CNTN5: variants seen among roughly 807,000 people sequenced by gnomAD.
The protein encoded by CNTN5 is contactin-5.
A neutral mutation model predicts 129.1 loss-of-function variants in CNTN5; 77 were observed. The ratio of observed to expected loss-of-function variants is 0.60; its 90% CI spans 0.50 to 0.72. The LOEUF is 0.72. CNTN5 is among the 30% of genes least tolerant of loss of function. The probability of loss-of-function intolerance (pLI) is 0.00; values close to 1 mark genes in which losing one functional copy is unlikely to be tolerated. For synonymous variants in CNTN5, 509 were observed against 465.6 expected, an observed-to-expected ratio of 1.09 and a Z score of -1.20; for missense variants, 1,478 against 1,328.8, an observed-to-expected ratio of 1.11 and a Z score of -1.75.
chr11:99,916,734 C>A (rs957402003), intron 7 of CNTN5, among the ~76,000 whole-genome samples: 16 of 152,056 alleles, frequency 1.1e-4, no homozygotes, highest in Non-Finnish European at 1.8e-4. Flanking sequence ...ATTATACGTC[C>A]TTTTGCAAGC....
chr11:99,338,765 T>G (rs751064459), intron 2 of CNTN5, among the ~76,000 whole-genome samples: 3 of 151,758 alleles, frequency 2.0e-5, no homozygotes, highest in Non-Finnish European at 4.4e-5. Flanking sequence ...TTATTTTATT[T>G]GCTTATTTTG....
chr11:99,627,698 G>A (rs1951180649), intron 3 of CNTN5, among the ~76,000 whole-genome samples: 2 of 151,942 alleles, frequency 1.3e-5, no homozygotes, highest in African/African-American at 2.4e-5. Context: ...CCCTAAAAAT[G>A]TAGTTGGAGG....
chr11:99,997,740 G>A (rs1189596831), intron 8 of CNTN5, among the ~76,000 whole-genome samples: 1 of 151,964 alleles, frequency 6.6e-6, no homozygotes, highest in Non-Finnish European at 1.5e-5. Flanking sequence ...GATGAACATT[G>A]ATGCAAAAAT....
intron 9 of CNTN5, among the ~76,000 whole-genome samples, chr11:100,057,400 T>G (rs538879689): frequency 5.9e-5 from 9 of 151,598 alleles, no homozygotes; most frequent in Admixed American, 4.6e-4. Context: ...CATTTAAAAC[T>G]TATTATATCT....
chr11:99,625,225 G>A (rs1241211937), intron 3 of CNTN5, among the ~76,000 whole-genome samples: 4 of 152,080 alleles, frequency 2.6e-5, no homozygotes, highest in African/African-American at 7.2e-5. Context: ...TTCTTGTTTG[G>A]CTTTTCTACT....
intron 2 of CNTN5, among the ~76,000 whole-genome samples, chr11:99,552,437 C>A (rs1482569934): frequency 1.3e-5 from 2 of 152,176 alleles, no homozygotes; most frequent in South Asian, 2.1e-4. Context: ...ACTAGTTTAA[C>A]CTCAGGCACT....
chr11:100,072,067 A>G (rs1943943424), intron 12 of CNTN5, among the ~76,000 whole-genome samples: 1 of 152,142 alleles, frequency 6.6e-6, no homozygotes, highest in Admixed American at 6.6e-5. Context: ...TTTTAATCTT[A>G]AAAGGTTTAC....
chr11:99,300,708 A>C (rs1374553899), intron 1 of CNTN5, among the ~76,000 whole-genome samples: 3 of 152,032 alleles, frequency 2.0e-5, no homozygotes, highest in African/African-American at 7.2e-5. Context: ...TCACCAGCAG[A>C]TCTGCCCTAC....
At position 99,809,244 on chromosome 11, in the gene CNTN5, T is replaced by G. The variant is rs148472168; in HGVS notation, c.56-10300T>G. Among the ~76,000 whole-genome samples, 727 of 152,294 alleles carry G rather than the reference T, an allele frequency of 4.8e-3. 10 individuals carry two copies. The highest frequency in any genetic ancestry group is 0.014 in the African/African-American group (583 of 41,562). ...CCCCAATTTGAAAACAACTAAGCCT[T>G]TTCGCTAAAACAAATTGTGAGTATA... On this transcript the variant is annotated intron_variant, in intron 3 of 24. Transcript: ENST00000524871.
intron 1 of CNTN5, among the ~76,000 whole-genome samples, chr11:99,161,514 C>G (rs531703639): frequency 6.6e-6 from 1 of 151,874 alleles, no homozygotes; most frequent in Admixed American, 6.6e-5. Flanking sequence ...TCTTTGAGCT[C>G]CCAAAACCAA....
At chr11:100,035,742 T>C (rs1483380841) in intron 9 of CNTN5, among the ~76,000 whole-genome samples, 66 of 151,250 alleles carry the variant, frequency 4.4e-4, no homozygotes, top group Non-Finnish European at 6.3e-4. Context: ...CATTTTTTCA[T>C]GTGTTTTTTG....
chr11:99,946,661 T>G (rs1327195497), intron 7 of CNTN5, among the ~76,000 whole-genome samples: 2 of 152,136 alleles, frequency 1.3e-5, no homozygotes, highest in Admixed American at 6.6e-5. Context: ...TTCATCCATG[T>G]ATCCATAGTA....
chr11:99,335,165 C>T (rs1239790520), intron 2 of CNTN5, among the ~76,000 whole-genome samples: 1 of 152,144 alleles, frequency 6.6e-6, no homozygotes, highest in Non-Finnish European at 1.5e-5. Flanking sequence ...TTGATTCTCA[C>T]AGCAACTTAC....
chr11:99,792,573 G>GTGTGTCTGTCTGTC lies in CNTN5; in HGVS notation c.56-26968_56-26967insGTCTGTCTGTCTGT, dbSNP rs34622017. On this transcript the variant is annotated intron_variant, in intron 3 of 24. Transcript: ENST00000524871. ...TGTGTGTGTGTGTGTGTGTGTGTGTGTGTCTGTCTGTCTGTCTGTCTGTCT... is the reference window on the plus strand; with the variant it reads ...TGTGTGTGTGTGTGTGTGTGTGTGTGTGTGTCTGTCTGTCTGTCTGTCTGTCTGTCTGTCTGTCT... Among the ~76,000 whole-genome samples, 120 of 116,684 alleles carry GTGTGTCTGTCTGTC rather than the reference G, an allele frequency of 1.0e-3. 1 individual carries two copies. The highest frequency in any genetic ancestry group is 4.0e-3 in the African/African-American group (110 of 27,270). 76.5% of individuals were successfully genotyped at this position (116,684 alleles called of 152,430 possible).
intron 3 of CNTN5, among the ~76,000 whole-genome samples, chr11:99,578,428 A>C (rs1017658539): frequency 6.8e-6 from 1 of 146,998 alleles, no homozygotes; most frequent in Non-Finnish European, 1.5e-5. Flanking sequence ...TGGTTGAACT[A>C]GTTTACAGTC....
chr11:99,337,482 A>G (rs1391758424), intron 2 of CNTN5, among the ~76,000 whole-genome samples: 2 of 152,232 alleles, frequency 1.3e-5, no homozygotes, highest in East Asian at 3.9e-4. Flanking sequence ...AGGCCGAATT[A>G]ATTGCAGCAG....
intron 7 of CNTN5, among the ~76,000 whole-genome samples, chr11:99,949,063 A>T (rs11222004): frequency 0.07 from 10,708 of 152,234 alleles, 774 homozygotes; most frequent in East Asian, 0.31. Context: ...ATCTTAAGCT[A>T]ATCTCCAACA....
intron 3 of CNTN5, among the ~76,000 whole-genome samples, chr11:99,582,343 T>C (rs538244066): frequency 6.6e-6 from 1 of 152,350 alleles, no homozygotes; most frequent in South Asian, 2.1e-4. Context: ...TGTGCCATTC[T>C]CTTTATTTCC....
intron 1 of CNTN5, among the ~76,000 whole-genome samples, chr11:99,277,752 A>C (rs1442266007): frequency 6.6e-6 from 1 of 151,748 alleles, no homozygotes; most frequent in East Asian, 1.9e-4. Flanking sequence ...GGTTCCTGAA[A>C]AACAACATGT....
Sources: allele counts gnomAD v4.1 joint callset (sites outside exome capture counted in the v4.1 genomes callset), GRCh38; gene constraint gnomAD v4.1.1; transcripts MANE v1.5; gene names NCBI Gene and HGNC (gene_info 2026-07-23, HGNC 2026-07-21).